Variants in WDR91 observed in about 807,000 individuals in gnomAD.
WDR91 encodes WD repeat-containing protein 91.
In WDR91, 52 loss-of-function variants were observed where a neutral mutation model predicts 88.4. The ratio of observed to expected loss-of-function variants is 0.59; its 90% confidence interval spans 0.47 to 0.74. The LOEUF is 0.74. Ranked by LOEUF, WDR91 falls within the 30% of genes least tolerant of loss-of-function variation. WDR91 has a pLI of 0.00. For synonymous variants in WDR91, 362 were observed against 389.5 expected, an observed-to-expected ratio of 0.93 and a Z score of 0.83; for missense variants, 824 against 954.5, an observed-to-expected ratio of 0.86 and a Z score of 1.80.
intron 1 of WDR91, 118 bp downstream of exon 1, chr7:135,211,262 C>G (rs1199289800): frequency 2.8e-6 from 4 of 1,434,784 alleles, no homozygotes; most frequent in Middle Eastern, 2.5e-4. Context: ...GCTGAGGTCT[C>G]CGGCGCCCCG....
chr7:135,208,852 C>T lies in WDR91; in HGVS notation c.450G>A (p.Gln150=), dbSNP rs1469127041. The change falls in exon 3 of 15, where the codon CAG becomes CAA. Residue 150 remains glutamine, a synonymous_variant. Coordinates refer to ENST00000354475, the MANE Select transcript of WDR91 (RefSeq NM_014149.4). ...NPTFATYFSR[Q]WADTFIVSLH... ...GGGACACAATGAAGGTGTCAGCCCA[C>T]TGTCGAGAAAAGTAGGTAGCAAAGG... 6.2e-7 allele frequency: 1 copy of T among 1,614,140 alleles called. No homozygotes were observed. Among genetic ancestry groups the T allele is most frequent in the Admixed American group, 1.7e-5 (1 of 60,026 alleles).
chr7:135,207,264 G>T, intron 3 of WDR91, 62 bp from the exon 4 acceptor site: 1 of 1,397,538 alleles, frequency 7.2e-7, no homozygotes, highest in South Asian at 1.2e-5. Context: ...CCAAACCCTT[G>T]ACACACCAGT....
intron 1 of WDR91, 82 bp downstream of exon 1, chr7:135,211,298 C>T (rs1832008510): frequency 1.3e-6 from 2 of 1,511,658 alleles, no homozygotes; most frequent in South Asian, 1.2e-5. Context: ...CCGCTCTCGC[C>T]CCGGAGGCAG....
intron 7 of WDR91, 124 bp downstream of exon 7, chr7:135,197,869 C>T (rs1249215226): frequency 2.4e-6 from 3 of 1,244,640 alleles, no homozygotes; most frequent in East Asian, 2.4e-5. Flanking sequence ...GCCATTGAAA[C>T]CAATTAAGCA....
rs1004730345 is a variant in WDR91 at position 135,204,794 on chromosome 7, G to T, written c.726-361C>A. Among the ~76,000 whole-genome samples the T allele has an allele frequency of 5.9e-5, 9 of 152,096 alleles. No homozygotes were observed. The East Asian group carries it at 1.5e-3, about 26-fold the overall frequency. On this transcript the variant is annotated intron_variant, in intron 5 of 14. Transcript: ENST00000354475. The stretch of plus-strand genomic sequence containing the variant: ...GGAATTCAAAGACTTGGCATGAAAA[G>T]AATAAAATAGCTCATTAACATTTTG...
At chr7:135,193,761 G>C in intron 9 of WDR91, 89 bp from the exon 10 acceptor site, 1 of 1,140,924 alleles carries the variant, frequency 8.8e-7, no homozygotes, top group Non-Finnish European at 1.3e-6. Context: ...GGCTGGGCAG[G>C]CTGTGGGGGT....
At chr7:135,190,961 C>A (rs978463230) in intron 11 of WDR91, among the ~76,000 whole-genome samples, 1 of 152,132 alleles carries the variant, frequency 6.6e-6, no homozygotes, top group Non-Finnish European at 1.5e-5. Flanking sequence ...AGACACAAAT[C>A]CTCTGATTCA....
In WDR91 at chr7:135,196,862, C is replaced by T. The variant is rs534218132; in HGVS notation, c.1051-525G>A. Among the ~76,000 whole-genome samples the T allele has an allele frequency of 1.4e-3, 208 of 152,174 alleles. 2 individuals carry two copies. Among genetic ancestry groups the T allele is most frequent in the Non-Finnish European group, 1.9e-3 (127 of 67,978 alleles). On this transcript the variant is annotated intron_variant, in intron 7 of 14. Transcript: ENST00000354475. The surrounding 1 kb of genome is among the most constrained non-coding windows in gnomAD (Gnocchi z 4.2). Reference sequence around the variant, plus strand: ...AAGCTGGGTGGGTAAGAGGTAAGCCCGGCCCCTTTCCAGTGCACCCCTAGG... The same window carrying T: ...AAGCTGGGTGGGTAAGAGGTAAGCCTGGCCCCTTTCCAGTGCACCCCTAGG...
At chr7:135,204,519 C>T (rs1031135579) in intron 5 of WDR91, 86 bp from the exon 6 acceptor site, 73 of 1,441,240 alleles carry the variant, frequency 5.1e-5, no homozygotes, top group South Asian at 3.3e-4. Flanking sequence ...CTATGGATGA[C>T]GTTAAGTGAC....
Position 135,194,937 on chromosome 7 carries a change from T to C in WDR91, c.1392A>G (p.Arg464=). The change falls in exon 9 of 15, where the codon AGA becomes AGG. Residue 464 remains arginine, a synonymous_variant. Transcript: ENST00000354475. ...LSLEWATKRD[R]LLLLGSGVGT... ...CCCACAGGCCACCATTACTCACCAGTCTGTCCCGTTTGGTGGCCCATTCCA... is the reference window on the plus strand; with the variant it reads ...CCCACAGGCCACCATTACTCACCAGCCTGTCCCGTTTGGTGGCCCATTCCA... 1 of 1,614,018 alleles carries C rather than the reference T, an allele frequency of 6.2e-7. No individual in the cohort carries two copies.
intron 12 of WDR91, 117 bp downstream of exon 12, chr7:135,189,227 G>A: frequency 1.3e-6 from 1 of 774,236 alleles, no homozygotes; most frequent in Non-Finnish European, 2.1e-6. Flanking sequence ...ACATGCATCT[G>A]AAGTCAGGGT....
At chr7:135,206,197 GCT>G in intron 4 of WDR91, 139 bp from the exon 5 acceptor site, 1 of 1,075,896 alleles carries the variant, frequency 9.3e-7, no homozygotes, top group Non-Finnish European at 1.4e-6. Context: ...ATCTCACTCT[GCT>G]CACTGCAGAC....
At position 135,196,355 on chromosome 7, in the gene WDR91, G is replaced by A; in HGVS notation, c.1051-18C>T. On this transcript the variant is annotated intron_variant, in intron 7 of 14. Coordinates refer to ENST00000354475, the MANE Select transcript of WDR91 (RefSeq NM_014149.4). The surrounding 1 kb of genome is among the most constrained non-coding windows in gnomAD (Gnocchi z 4.2). ...TCTGCACACTGTCACAAGCAGGGTG[G>A]GGACAAGTCAGCCAGGAAAGGGTCC... The A allele has an allele frequency of 6.7e-7, 1 of 1,500,912 alleles. No homozygotes were observed. The allele number at this position is 1,500,912 out of a possible 1,614,324, so 93.0% of individuals were successfully genotyped here.
At chr7:135,210,773 C>T in intron 1 of WDR91, 1 of 703,580 alleles carries the variant, frequency 1.4e-6, no homozygotes, top group Admixed American at 2.0e-5. Context: ...TAGCTCACTG[C>T]CTCTCATTGA....
chr7:135,209,124 C>T (rs1461541794), intron 2 of WDR91, 126 bp from the exon 3 acceptor site: 5 of 718,356 alleles, frequency 7.0e-6, no homozygotes, highest in African/African-American at 1.8e-5. Flanking sequence ...AAATAAAATT[C>T]CATAATATAA....
Position 135,193,366 on chromosome 7 carries a change from G to C in WDR91, c.1524C>G (p.Ala508=). The part of the protein sequence containing the change: ...ILSLACSPNG[A]SFVCSAAAPS... ...GAGCTGCTGCCGAACAGACGAAAGA[G>C]GCCCCGTTGGGGCTGCACGCAAGAG... The change falls in exon 11 of 15, where the codon GCC becomes GCG. Residue 508 remains alanine, a synonymous_variant. Coordinates refer to ENST00000354475, the MANE Select transcript of WDR91 (RefSeq NM_014149.4). 6.2e-7 allele frequency: 1 copy of C among 1,614,238 alleles called. No individual in the cohort carries two copies. The highest frequency in any genetic ancestry group is 1.1e-5 in the South Asian group (1 of 91,084).
intron 9 of WDR91, 83 bp downstream of exon 9, chr7:135,194,851 T>C (rs1305758722): frequency 6.4e-7 from 1 of 1,556,100 alleles, no homozygotes; most frequent in African/African-American, 1.4e-5. Flanking sequence ...CTGGCTTGGC[T>C]GTCTTGACTC....
chr7:135,203,946 C>CAG (rs1481537454), intron 6 of WDR91, among the ~76,000 whole-genome samples: 1 of 152,228 alleles, frequency 6.6e-6, no homozygotes, highest in Non-Finnish European at 1.5e-5. Context: ...AATCAAACAC[C>CAG]ACAGTGCCTG....
chr7:135,189,817 T>G (rs188318502), intron 11 of WDR91, among the ~76,000 whole-genome samples: 1 of 152,224 alleles, frequency 6.6e-6, no homozygotes, highest in Admixed American at 6.5e-5. Context: ...TCAACTGCCT[T>G]TGATGACAGA....
Sources: gnomAD v4.1 joint callset for allele counts (sites outside exome capture counted in the v4.1 genomes callset) on GRCh38, gnomAD v4.1.1 for gene constraint, Gnocchi (gnomAD v3.1) non-coding constraint, MANE v1.5 for transcripts, NCBI Gene and HGNC (gene_info 2026-07-23, HGNC 2026-07-21) for gene names.